Variants in GRIA2 observed in about 807,000 individuals in gnomAD.
GRIA2 encodes the protein glutamate receptor 2.
A neutral mutation model predicts 97.3 loss-of-function variants in GRIA2; 14 were observed. The observed-to-expected ratio is 0.14, with a 90% confidence interval of 0.10 to 0.23. The LOEUF (loss-of-function observed/expected upper bound fraction) is 0.23, where lower values mean the gene tolerates loss of function less well. GRIA2 is among the 10% of genes least tolerant of loss of function. The probability of loss-of-function intolerance (pLI) is 1.00; values close to 1 mark genes in which losing one functional copy is unlikely to be tolerated. For synonymous variants in GRIA2, 412 were observed against 387.8 expected, an observed-to-expected ratio of 1.06 and a Z score of -0.73; for missense variants, 558 against 1,069.8, an observed-to-expected ratio of 0.52 and a Z score of 6.67.
intron 4 of GRIA2, among the ~76,000 whole-genome samples, chr4:157,316,346 G>T (rs1267002890): frequency 3.9e-5 from 6 of 152,128 alleles, no homozygotes; most frequent in Non-Finnish European, 8.8e-5. Context: ...AGAAAACAAT[G>T]TAAGTTTTAA....
intron 2 of GRIA2, among the ~76,000 whole-genome samples, chr4:157,243,290 G>T (rs115946742): frequency 6.6e-6 from 1 of 152,132 alleles, no homozygotes; most frequent in Non-Finnish European, 1.5e-5. Context: ...AGCCAGTTTA[G>T]GCAAAACAGA....
chr4:157,281,994 G>A (rs1324217195), intron 2 of GRIA2, among the ~76,000 whole-genome samples: 1 of 152,090 alleles, frequency 6.6e-6, no homozygotes, highest in African/African-American at 2.4e-5. Context: ...GGTTCACTAA[G>A]TACATTTCCA....
At chr4:157,254,643 A>G (rs2126750553) in intron 2 of GRIA2, among the ~76,000 whole-genome samples, 1 of 152,186 alleles carries the variant, frequency 6.6e-6, no homozygotes, top group Non-Finnish European at 1.5e-5. Flanking sequence ...TATTGGAACT[A>G]TCCTGTGTTG....
At position 157,361,620 on chromosome 4, in the gene GRIA2, G is replaced by A; in HGVS notation, c.2406+496G>A. On this transcript the variant is annotated intron_variant, in intron 14 of 15. Coordinates refer to ENST00000264426, the MANE Select transcript of GRIA2 (RefSeq NM_001083619.3). This position sits in a 1 kb window ranked among gnomAD's most constrained non-coding sequence, Gnocchi z 5.2. ...GAAAAACAAATGGTGGTACGATAAA[G>A]GTGAATGTGGAGCCAAGGACTCTGG... 1.9e-6 allele frequency: 3 copies of A among 1,612,846 alleles called. No individual in the cohort carries two copies. The highest frequency in any genetic ancestry group is 2.5e-6 in the Non-Finnish European group (3 of 1,179,004).
At chr4:157,356,914 T>C (rs189601463) in intron 12 of GRIA2, among the ~76,000 whole-genome samples, 19 of 152,256 alleles carry the variant, frequency 1.2e-4, no homozygotes, top group African/African-American at 4.6e-4. Context: ...GGCACAAAAG[T>C]AATTGTGGTT....
At chr4:157,268,431 T>C (rs1317524127) in intron 2 of GRIA2, among the ~76,000 whole-genome samples, 1 of 152,036 alleles carries the variant, frequency 6.6e-6, no homozygotes, top group African/African-American at 2.4e-5. Context: ...TTTTGTCGTC[T>C]CAGTTTTCTT....
intron 12 of GRIA2, among the ~76,000 whole-genome samples, chr4:157,354,077 T>C (rs62332460): frequency 0.075 from 11,428 of 152,212 alleles, 576 homozygotes; most frequent in South Asian, 0.12. Context: ...GAATTGACAG[T>C]TTGAATACAA....
At position 157,360,158 on chromosome 4, in the gene GRIA2, A is replaced by G. The variant is rs748222396; in HGVS notation, c.2291+15A>G. Reference sequence around the variant, plus strand: ...TCCTCATTAAGGTGGGTGGAATAGTATAACAATATGCTAAATGTTGTTATA... The same window carrying G: ...TCCTCATTAAGGTGGGTGGAATAGTGTAACAATATGCTAAATGTTGTTATA... On this transcript the variant is annotated intron_variant, in intron 13 of 15. Transcript: ENST00000264426. 2.5e-6 allele frequency: 4 copies of G among 1,611,826 alleles called. No individual in the cohort carries two copies. The highest frequency in any genetic ancestry group is 3.4e-6 in the Non-Finnish European group (4 of 1,178,280).
rs572293858 is a variant in GRIA2 at position 157,304,877 on chromosome 4, G to C, written c.469+1086G>C. On this transcript the variant is annotated intron_variant, in intron 3 of 15. Coordinates refer to ENST00000264426, the MANE Select transcript of GRIA2 (RefSeq NM_001083619.3). ...GCTCGAGTCAGGAGTGCAGGAGCTA[G>C]GTGTCTGATTCTCTGCCCTGTCCTC... is the stretch of plus-strand genomic sequence containing the variant. Among the ~76,000 whole-genome samples, 5 of 152,166 alleles carry C rather than the reference G, an allele frequency of 3.3e-5. No individual in the cohort carries two copies. The East Asian group carries it at 9.7e-4, about 30-fold the overall frequency.
Position 157,302,802 on chromosome 4 carries a change from G to C in GRIA2, c.230-750G>C, listed in dbSNP as rs552206856. Among the ~76,000 whole-genome samples the C allele has an allele frequency of 3.3e-5, 5 of 152,286 alleles. No individual in the cohort carries two copies. The South Asian group carries it at 1.0e-3, about 32-fold the overall frequency. On this transcript the variant is annotated intron_variant, in intron 2 of 15. Coordinates refer to ENST00000264426, the MANE Select transcript of GRIA2 (RefSeq NM_001083619.3). ...TTGGGGGAAGGAGTGAAAGCAGATAGTGTCATATGCCATTCACTGGAAATA... is the reference window on the plus strand; with the variant it reads ...TTGGGGGAAGGAGTGAAAGCAGATACTGTCATATGCCATTCACTGGAAATA...
At chr4:157,315,352 CA>C (rs1365348283) in intron 4 of GRIA2, among the ~76,000 whole-genome samples, 2 of 112,596 alleles carry the variant, frequency 1.8e-5, no homozygotes, top group Non-Finnish European at 1.8e-5. Context: ...GATTACCTGG[CA>C]AAAAATGAGG....
chr4:157,355,600 A>ATATTTATTTATATT (rs1736221410), intron 12 of GRIA2, among the ~76,000 whole-genome samples: 3 of 102,614 alleles, frequency 2.9e-5, no homozygotes, highest in Non-Finnish European at 5.4e-5. Context: ...ATTTATATAT[A>ATATTTATTTATATT]TATTTATATA....
Position 157,303,559 on chromosome 4 carries a change from C to G in GRIA2, c.237C>G (p.Ser79=). The change falls in exon 3 of 16, where the codon TCC becomes TCG. Residue 79 remains serine (S), a synonymous_variant. Transcript: ENST00000264426. ...TTTTTCCTATTCTTCTAGTCTGCTCCCAGTTTTCGAGAGGAGTCTATGCTA... is the reference window on the plus strand; with the variant it reads ...TTTTTCCTATTCTTCTAGTCTGCTCGCAGTTTTCGAGAGGAGTCTATGCTA... ...NSFAVTNAFC[S]QFSRGVYAIF... 6.2e-7 allele frequency: 1 copy of G among 1,613,126 alleles called. No homozygotes were observed. Among genetic ancestry groups the G allele is most frequent in the East Asian group, 2.2e-5 (1 of 44,860 alleles).
intron 2 of GRIA2, among the ~76,000 whole-genome samples, chr4:157,230,873 C>T (rs903897616): frequency 2.0e-5 from 3 of 151,498 alleles, no homozygotes; most frequent in South Asian, 2.1e-4. Context: ...TATTTCTTAG[C>T]GAAAGGGTCT....
intron 6 of GRIA2, among the ~76,000 whole-genome samples, chr4:157,328,787 T>C (rs1051699706): frequency 2.0e-5 from 3 of 152,022 alleles, no homozygotes; most frequent in Non-Finnish European, 4.4e-5. Flanking sequence ...TAGGCAAAAA[T>C]ATGTTGTTTT....
At chr4:157,355,913 A>AATATATTTATATATAAATATATATT (rs1736287193) in intron 12 of GRIA2, among the ~76,000 whole-genome samples, 1 of 52,152 alleles carries the variant, frequency 1.9e-5, no homozygotes, top group Non-Finnish European at 3.7e-5. Flanking sequence ...ATATATATAT[A>AATATATTTATATATAAATATATATT]TTAATATATT....
chr4:157,292,103 T>C (rs1252909540), intron 2 of GRIA2, among the ~76,000 whole-genome samples: 2 of 151,984 alleles, frequency 1.3e-5, no homozygotes, highest in Non-Finnish European at 2.9e-5. Context: ...AGTTTGTATT[T>C]CTATCTCATC....
intron 3 of GRIA2, among the ~76,000 whole-genome samples, chr4:157,306,577 A>G (rs1307373762): frequency 1.3e-5 from 2 of 152,172 alleles, no homozygotes; most frequent in Non-Finnish European, 2.9e-5. Flanking sequence ...GTAGCTATTG[A>G]TGTTTTAATG....
In GRIA2 at chr4:157,336,972, T is replaced by C. The variant is rs1046434344; in HGVS notation, c.1844+225T>C. On this transcript the variant is annotated intron_variant, in intron 11 of 15. Coordinates refer to ENST00000264426, the MANE Select transcript of GRIA2 (RefSeq NM_001083619.3). Reference sequence around the variant, plus strand: ...TTCTCTGGTGAAATTATACACACCATGAAGAGGCTATAAAATGCATAAGGT... The same window carrying C: ...TTCTCTGGTGAAATTATACACACCACGAAGAGGCTATAAAATGCATAAGGT... 4.6e-5 allele frequency among the ~76,000 whole-genome samples: 7 copies of C among 152,106 alleles called. No homozygotes were observed. The South Asian group carries it at 1.4e-3, about 32-fold the overall frequency.
Sources: gnomAD v4.1 joint callset for allele counts (sites outside exome capture counted in the v4.1 genomes callset) on GRCh38, gnomAD v4.1.1 for gene constraint, Gnocchi (gnomAD v3.1) non-coding constraint, MANE v1.5 for transcripts, NCBI Gene and HGNC (gene_info 2026-07-23, HGNC 2026-07-21) for gene names.